Variants in ZC3H7A observed in about 807,000 individuals in gnomAD.
ZC3H7A encodes zinc finger CCCH-type containing 7A.
Under a neutral mutation model 125.5 loss-of-function variants are expected in ZC3H7A, and 44 were observed. The ratio of observed to expected loss-of-function variants is 0.35; its 90% CI spans 0.28 to 0.45. The LOEUF (loss-of-function observed/expected upper bound fraction) is 0.45, where lower values mean the gene tolerates loss of function less well. ZC3H7A is among the 20% of genes least tolerant of loss of function. ZC3H7A has a pLI of 1.00. For synonymous variants in ZC3H7A, 399 were observed against 391.2 expected (o/e 1.02, Z -0.23); for missense variants, 977 against 1,170.7 (o/e 0.83, Z 2.41).
intron 1 of ZC3H7A, among the ~76,000 whole-genome samples, chr16:11,790,589 G>T (rs1164686008): frequency 1.3e-5 from 2 of 152,060 alleles, no homozygotes; most frequent in Non-Finnish European, 2.9e-5. Flanking sequence ...GCCCAGGCTG[G>T]AGTGCAATGG....
At position 11,786,830 on chromosome 16, in the gene ZC3H7A, C is replaced by T. The variant is rs377141721; in HGVS notation, c.-34-4442G>A. ...CCACAATTAATATTTTGTGAGATCA[C>T]ATCTGCCCATCTTTATCTATCTGCT... On this transcript the variant is annotated intron_variant, in intron 1 of 22. Transcript: ENST00000355758. Among the ~76,000 whole-genome samples the T allele has an allele frequency of 1.3e-4, 20 of 152,274 alleles. No individual in the cohort carries two copies. In the East Asian group the frequency reaches 3.1e-3, roughly 23 times the overall value.
chr16:11,786,043 G>T (rs2053252355), intron 1 of ZC3H7A, among the ~76,000 whole-genome samples: 1 of 152,232 alleles, frequency 6.6e-6, no homozygotes, highest in African/African-American at 2.4e-5. Flanking sequence ...GCTGGAAAAG[G>T]GGTAGGACGA....
At chr16:11,781,364 A>G (rs2053170643) in intron 3 of ZC3H7A, 61 bp downstream of exon 3, 2 of 1,541,364 alleles carry the variant, frequency 1.3e-6, no homozygotes, top group Non-Finnish European at 1.8e-6. Context: ...AACCCCTGCT[A>G]CAAATTACAG....
chr16:11,771,692 G>A (rs2052985682), intron 9 of ZC3H7A, among the ~76,000 whole-genome samples: 1 of 151,790 alleles, frequency 6.6e-6, no homozygotes, highest in Non-Finnish European at 1.5e-5. Context: ...GTAGAGATGG[G>A]GTTTTGCCAT....
chr16:11,762,404 G>A (rs753221691), intron 17 of ZC3H7A, among the ~76,000 whole-genome samples: 6 of 152,038 alleles, frequency 3.9e-5, no homozygotes, highest in Non-Finnish European at 8.8e-5. Context: ...CCGAGAACCC[G>A]TAAAGCCCAG....
At chr16:11,768,828 T>C (rs1286615063) in intron 11 of ZC3H7A, among the ~76,000 whole-genome samples, 1 of 152,216 alleles carries the variant, frequency 6.6e-6, no homozygotes, top group Non-Finnish European at 1.5e-5. Context: ...TTGTCTGCAA[T>C]ACCGATTAAT....
Position 11,765,298 on chromosome 16 carries a change from T to TTCATTCAGTAAATGTTGGCTA in ZC3H7A, c.1720-146_1720-145insTAGCCAACATTTACTGAATGA. ...TTTTTGGTAACAGTAATAGCCAACA[T>TTCATTCAGTAAATGTTGGCTA]TTACTGAATGAATGTTTTATCACAT... On this transcript the variant is annotated intron_variant, in intron 14 of 22. Coordinates refer to ENST00000355758, the MANE Select transcript of ZC3H7A (RefSeq NM_014153.4). This position sits in a 1 kb window ranked among gnomAD's most constrained non-coding sequence, Gnocchi z 4.8. 1.5e-6 allele frequency: 1 copy of TTCATTCAGTAAATGTTGGCTA among 659,762 alleles called. No homozygotes were observed. The highest frequency in any genetic ancestry group is 2.4e-6 in the Non-Finnish European group (1 of 424,738). 40.9% of individuals were successfully genotyped at this position (659,762 alleles called of 1,614,324 possible).
rs766704989 is a variant in ZC3H7A at position 11,751,474 on chromosome 16, C to T, written c.2759G>A (p.Ser920Asn). The stretch of plus-strand genomic sequence containing the variant: ...GGCATTTCCATGTGCAAATTTACAG[C>T]TGTTTCCTTCTGGGCAGGTGCCATT... ...YMNGTCPEGN[S>N]CKFAHGNAEL... The change falls in exon 23 of 23, where the codon AGC (serine) becomes AAC (asparagine). Residue 920 changes from serine to asparagine, a missense_variant. This residue lies in a region of ZC3H7A where 436 missense variants were observed against 603.2 expected (regional missense o/e 0.72). Coordinates refer to ENST00000355758, the MANE Select transcript of ZC3H7A (RefSeq NM_014153.4). The T allele has an allele frequency of 5.0e-6, 8 of 1,614,122 alleles. No homozygotes were observed. In the South Asian group the frequency reaches 8.8e-5, roughly 18 times the overall value.
At chr16:11,769,627 C>T (rs2052934915) in intron 10 of ZC3H7A, among the ~76,000 whole-genome samples, 2 of 138,004 alleles carry the variant, frequency 1.4e-5, no homozygotes, top group Admixed American at 1.5e-4. Flanking sequence ...AGGAGAATCG[C>T]TTGAACCCAA....
chr16:11,756,159 C>G, intron 21 of ZC3H7A, 78 bp downstream of exon 21: 1 of 1,542,588 alleles, frequency 6.5e-7, no homozygotes. Flanking sequence ...GAGACTCCAT[C>G]TCAAAAAAAA....
chr16:11,787,936 G>C (rs553176840), intron 1 of ZC3H7A, among the ~76,000 whole-genome samples: 14 of 150,528 alleles, frequency 9.3e-5, no homozygotes, highest in Admixed American at 8.6e-4. Context: ...ACAAGAGCAA[G>C]ACTTCGTTTC....
chr16:11,782,367 A>T lies in ZC3H7A; in HGVS notation c.-13T>A. 1 of 1,613,974 alleles carries T rather than the reference A, an allele frequency of 6.2e-7. No homozygotes were observed. The highest frequency in any genetic ancestry group is 8.5e-7 in the Non-Finnish European group (1 of 1,179,978). Reference sequence around the variant, plus strand: ...ACACATTGGACATGTTATCCCACACATCCACTTTCTAAATGAGCAATCTGG... The same window carrying T: ...ACACATTGGACATGTTATCCCACACTTCCACTTTCTAAATGAGCAATCTGG... On this transcript the variant is annotated 5_prime_UTR_variant, in exon 2 of 23. The change abolishes an upstream ATG in the 5' untranslated region. Coordinates refer to ENST00000355758, the MANE Select transcript of ZC3H7A (RefSeq NM_014153.4).
Position 11,783,669 on chromosome 16 carries a change from C to G in ZC3H7A, c.-34-1281G>C, listed in dbSNP as rs1291244962. ...TTAAGACAACATCTTACACATAAAC[C>G]ACGTATTTGGACCCAGGTGACAGGA... On this transcript the variant is annotated intron_variant, in intron 1 of 22. Transcript: ENST00000355758. 2.0e-5 allele frequency among the ~76,000 whole-genome samples: 3 copies of G among 152,130 alleles called. No individual in the cohort carries two copies. In the East Asian group the frequency reaches 5.8e-4, roughly 29 times the overall value.
At chr16:11,779,038 C>T in intron 4 of ZC3H7A, 128 bp downstream of exon 4, 1 of 830,600 alleles carries the variant, frequency 1.2e-6, no homozygotes, top group Non-Finnish European at 1.8e-6. Context: ...TTAAAAGCCT[C>T]AAGCCACTCC....
At chr16:11,791,778 AG>A (rs2053356043) in intron 1 of ZC3H7A, among the ~76,000 whole-genome samples, 1 of 152,236 alleles carries the variant, frequency 6.6e-6, no homozygotes, top group Admixed American at 6.5e-5. Context: ...GAATCAATAT[AG>A]TGGGAACTGC....
At position 11,752,821 on chromosome 16, in the gene ZC3H7A, G is replaced by A. The variant is rs1383711686; in HGVS notation, c.2574C>T (p.His858=). The A allele has an allele frequency of 8.1e-6, 13 of 1,612,780 alleles. No individual in the cohort carries two copies. Among genetic ancestry groups the A allele is most frequent in the African/African-American group, 2.7e-5 (2 of 74,792 alleles). The change falls in exon 22 of 23, where the codon CAC becomes CAT. Residue 858 remains histidine (H), a synonymous_variant. Transcript: ENST00000355758. ...TDYAEVTVDF[H]CWMCGKNCNS... ...TGCAGTTTTTCCCACACATCCAGCA[G>A]TGAAAGTCCACCTAATGTGCAGCAA...
chr16:11,765,732 C>G lies in ZC3H7A; in HGVS notation c.1523-47G>C, dbSNP rs115161635. 709 of 1,565,036 alleles carry G rather than the reference C, an allele frequency of 4.5e-4. 4 individuals carry two copies. The African/African-American group carries it at 8.7e-3, about 19-fold the overall frequency. ...AGACATTGAAAACATGGCAATTGGC[C>G]TGTACTCCCAGCTACTTGGGAGGCT... On this transcript the variant is annotated intron_variant, in intron 13 of 22. Transcript: ENST00000355758. This position sits in a 1 kb window ranked among gnomAD's most constrained non-coding sequence, Gnocchi z 4.8.
intron 1 of ZC3H7A, chr16:11,782,601 CTTTTT>C (rs896160381): frequency 1.0e-3 from 134 of 130,486 alleles, no homozygotes; most frequent in Middle Eastern, 4.4e-3. Flanking sequence ...TTTTCATATT[CTTTTT>C]TTTTTTTTTT....
Position 11,768,413 on chromosome 16 carries a change from C to T in ZC3H7A, c.1262G>A (p.Ser421Asn), listed in dbSNP as rs144117858. 58 of 1,593,956 alleles carry T rather than the reference C, an allele frequency of 3.6e-5. No individual in the cohort carries two copies. Among genetic ancestry groups the T allele is most frequent in the Non-Finnish European group, 5.0e-5 (58 of 1,167,430 alleles). ...PRNDFGNFFG[S>N]AVTKPSSSVT... ...TGATGAAGATGGTTTGGTAACTGCA[C>T]TTCCAAAAAAGTTTCCAAAGTCATT... The change falls in exon 12 of 23, where the codon AGT becomes AAT. Residue 421 changes from serine to asparagine, a missense_variant. Around this residue, in one of 3 missense-constraint regions of ZC3H7A, gnomAD observed 342 missense variants for 311.3 expected, o/e 1.10. Coordinates refer to ENST00000355758, the MANE Select transcript of ZC3H7A (RefSeq NM_014153.4).
Sources: allele counts gnomAD v4.1 joint callset (sites outside exome capture counted in the v4.1 genomes callset), GRCh38; gene constraint gnomAD v4.1.1; regional missense constraint gnomAD v4.1.1; non-coding constraint Gnocchi (gnomAD v3.1); transcripts MANE v1.5; gene names NCBI Gene and HGNC (gene_info 2026-07-23, HGNC 2026-07-21).